Variants in SCFD2 observed in about 807,000 individuals in gnomAD.
SCFD2 encodes sec1 family domain-containing protein 2.
SCFD2 carries 54 observed loss-of-function variants against 58.9 expected under a neutral mutation model. The observed-to-expected ratio is 0.92, with a 90% CI of 0.74 to 1.15. The LOEUF is 1.15. SCFD2 is among the 50% of genes most tolerant of loss of function. SCFD2 has a pLI of 0.00. For synonymous variants in SCFD2, 321 were observed against 335.9 expected (o/e 0.96, Z 0.49); for missense variants, 805 against 836.6 (o/e 0.96, Z 0.47).
intron 4 of SCFD2, among the ~76,000 whole-genome samples, chr4:53,261,876 G>A (rs1311273938): frequency 6.6e-6 from 1 of 152,138 alleles, no homozygotes; most frequent in Non-Finnish European, 1.5e-5. Flanking sequence ...AGGTCTAGCA[G>A]TAATTGTTTA....
intron 4 of SCFD2, among the ~76,000 whole-genome samples, chr4:53,251,484 A>C (rs1018619500): frequency 6.6e-6 from 1 of 152,222 alleles, no homozygotes; most frequent in Non-Finnish European, 1.5e-5. Context: ...AAAATCCTCA[A>C]TAAAATACTG....
chr4:53,331,729 C>A (rs1489442755), intron 2 of SCFD2, among the ~76,000 whole-genome samples: 1 of 151,946 alleles, frequency 6.6e-6, no homozygotes, highest in African/African-American at 2.4e-5. Flanking sequence ...TAGCAGAAGG[C>A]AAGAAATAAC....
chr4:52,887,634 GAA>G (rs2109449349), intron 7 of SCFD2, among the ~76,000 whole-genome samples: 1 of 152,284 alleles, frequency 6.6e-6, no homozygotes, highest in South Asian at 2.1e-4. Context: ...GTCCTTGCAG[GAA>G]AAAGTCTGCC....
intron 4 of SCFD2, among the ~76,000 whole-genome samples, chr4:53,166,402 C>T (rs771935467): frequency 3.3e-5 from 5 of 152,104 alleles, no homozygotes; most frequent in East Asian, 1.9e-4. Context: ...TGAAACAAAC[C>T]GGCTGCTTGC....
intron 4 of SCFD2, among the ~76,000 whole-genome samples, chr4:53,190,313 C>A (rs1197644577): frequency 6.6e-6 from 1 of 152,152 alleles, no homozygotes; most frequent in South Asian, 2.1e-4. Context: ...GTCTACAAGG[C>A]CCTACAGGCT....
chr4:53,319,720 C>G lies in SCFD2; in HGVS notation c.1008-5957G>C, dbSNP rs534555366. 5.3e-5 allele frequency among the ~76,000 whole-genome samples: 8 copies of G among 151,968 alleles called. 1 individual carries two copies. The South Asian group carries it at 1.7e-3, about 32-fold the overall frequency. ...TTAATTTTTGTATTTTTAGTAGAGA[C>G]GGGGTTTCACCATGTTGGCCAGGCT... On this transcript the variant is annotated intron_variant, in intron 2 of 8. Transcript: ENST00000401642.
At chr4:53,345,411 C>T (rs1232491309) in intron 2 of SCFD2, among the ~76,000 whole-genome samples, 2 of 152,168 alleles carry the variant, frequency 1.3e-5, no homozygotes, top group African/African-American at 4.8e-5. Flanking sequence ...CATCTCACAC[C>T]AGTTAGAATG....
At chr4:53,277,379 C>T (rs1049662094) in intron 3 of SCFD2, among the ~76,000 whole-genome samples, 1 of 152,180 alleles carries the variant, frequency 6.6e-6, no homozygotes, top group African/African-American at 2.4e-5. Flanking sequence ...TTTATATAAA[C>T]ACTGTACTGC....
chr4:53,336,550 A>G (rs1733690367), intron 2 of SCFD2, among the ~76,000 whole-genome samples: 1 of 148,512 alleles, frequency 6.7e-6, no homozygotes, highest in South Asian at 2.2e-4. Flanking sequence ...TTTGAGTTGG[A>G]GTTTTGCTCT....
chr4:53,256,619 A>G (rs1730643722), intron 4 of SCFD2, among the ~76,000 whole-genome samples: 1 of 152,118 alleles, frequency 6.6e-6, no homozygotes, highest in Non-Finnish European at 1.5e-5. Context: ...CTCCATCTGC[A>G]ATCCCGGCAC....
At chr4:53,213,251 A>G (rs1400237949) in intron 4 of SCFD2, among the ~76,000 whole-genome samples, 1 of 152,152 alleles carries the variant, frequency 6.6e-6, no homozygotes, top group Non-Finnish European at 1.5e-5. Context: ...GTAAAGATAG[A>G]AATCAAAATC....
intron 3 of SCFD2, among the ~76,000 whole-genome samples, chr4:53,295,135 T>C (rs1731980720): frequency 1.3e-5 from 2 of 152,310 alleles, no homozygotes; most frequent in African/African-American, 2.4e-5. Flanking sequence ...CTTTTTTGGT[T>C]CCATATAAAA....
intron 3 of SCFD2, among the ~76,000 whole-genome samples, chr4:53,281,418 T>C (rs1249209408): frequency 6.6e-6 from 1 of 152,122 alleles, no homozygotes; most frequent in African/African-American, 2.4e-5. Flanking sequence ...CCATAACTGA[T>C]ATATAGACAG....
chr4:53,238,205 C>T (rs1465732565), intron 4 of SCFD2, among the ~76,000 whole-genome samples: 48 of 122,156 alleles, frequency 3.9e-4, no homozygotes, highest in East Asian at 1.4e-3. Context: ...CCCTCCCGGA[C>T]GGGGCGGCTG....
intron 5 of SCFD2, among the ~76,000 whole-genome samples, chr4:52,961,597 G>A (rs78809411): frequency 1.7e-3 from 252 of 152,346 alleles, no homozygotes; most frequent in African/African-American, 5.7e-3. Flanking sequence ...AGCTGAAACA[G>A]TGAGGTGTGG....
intron 5 of SCFD2, among the ~76,000 whole-genome samples, chr4:53,115,476 A>C (rs1363727613): frequency 2.0e-5 from 3 of 152,184 alleles, no homozygotes; most frequent in Non-Finnish European, 4.4e-5. Context: ...TAAAAGGCAG[A>C]ATTAATGAAT....
rs558689640 is a variant in SCFD2, at chr4:53,320,015, C to A, written c.1008-6252G>T. Among the ~76,000 whole-genome samples, 5 of 152,312 alleles carry A rather than the reference C, an allele frequency of 3.3e-5. No individual in the cohort carries two copies. In the South Asian group the frequency reaches 6.2e-4, roughly 19 times the overall value. ...GCTTTATATCCCCTTACAGTTATTACTAATGTTATAATTTTCACTTATTGA... is the reference window on the plus strand; with the variant it reads ...GCTTTATATCCCCTTACAGTTATTAATAATGTTATAATTTTCACTTATTGA... On this transcript the variant is annotated intron_variant, in intron 2 of 8. Transcript: ENST00000401642.
chr4:53,085,916 A>T (rs757177766), intron 5 of SCFD2, among the ~76,000 whole-genome samples: 4 of 152,186 alleles, frequency 2.6e-5, no homozygotes, highest in Non-Finnish European at 5.9e-5. Flanking sequence ...TAAATATAAG[A>T]CCTACAACTA....
At chr4:52,966,629 AG>A (rs1028848723) in intron 5 of SCFD2, among the ~76,000 whole-genome samples, 2 of 152,198 alleles carry the variant, frequency 1.3e-5, no homozygotes, top group Admixed American at 6.5e-5. Context: ...TTTGTTTGGT[AG>A]GACAGTTTTA....
Sources: allele counts gnomAD v4.1 joint callset (sites outside exome capture counted in the v4.1 genomes callset), GRCh38; gene constraint gnomAD v4.1.1; transcripts MANE v1.5; gene names NCBI Gene and HGNC (gene_info 2026-07-23, HGNC 2026-07-21).